Variants in UBE2W observed in about 807,000 individuals in gnomAD.
The protein encoded by UBE2W is ubiquitin conjugating enzyme E2 W.
In UBE2W, 18 loss-of-function variants were observed where a neutral mutation model predicts 27.2. The observed-to-expected ratio is 0.66, with a 90% CI of 0.46 to 0.98. The LOEUF is 0.98. Among genes scored for constraint, UBE2W ranks in the 50% least tolerant of loss-of-function variants. UBE2W has a pLI of 0.00. For missense variants in UBE2W, 90 were observed against 180.2 expected, an observed-to-expected ratio of 0.50 and a Z score of 2.87; for synonymous variants, 53 against 57.2, an observed-to-expected ratio of 0.93 and a Z score of 0.33.
chr8:73,855,261 C>T (rs1008919374), intron 1 of UBE2W, among the ~76,000 whole-genome samples: 1 of 152,204 alleles, frequency 6.6e-6, no homozygotes, highest in Non-Finnish European at 1.5e-5. Flanking sequence ...GCGAGACAAA[C>T]TGCTCATGCA....
intron 1 of UBE2W, among the ~76,000 whole-genome samples, chr8:73,836,525 C>T (rs1416275151): frequency 6.6e-6 from 1 of 152,054 alleles, no homozygotes; most frequent in Non-Finnish European, 1.5e-5. Flanking sequence ...ATCCTGAAGT[C>T]GTGATTCTAA....
At chr8:73,795,783 T>C (rs1808385135) in intron 5 of UBE2W, 11 of 984,744 alleles carry the variant, frequency 1.1e-5, no homozygotes, top group Non-Finnish European at 1.3e-5. Flanking sequence ...CCTCTAAAGT[T>C]CACTCACAAT....
chr8:73,852,590 AT>A (rs900255763), intron 1 of UBE2W, among the ~76,000 whole-genome samples: 1 of 152,126 alleles, frequency 6.6e-6, no homozygotes, highest in East Asian at 1.9e-4. Context: ...GGAAGAATAA[AT>A]TTTTTTTCTT....
chr8:73,876,250 A>T (rs1812217003), intron 1 of UBE2W, among the ~76,000 whole-genome samples: 1 of 151,930 alleles, frequency 6.6e-6, no homozygotes, highest in Admixed American at 6.6e-5. Flanking sequence ...GAATAAACAA[A>T]GTTGATAATT....
At chr8:73,854,693 A>T (rs1364515933) in intron 1 of UBE2W, among the ~76,000 whole-genome samples, 1 of 152,204 alleles carries the variant, frequency 6.6e-6, no homozygotes, top group Non-Finnish European at 1.5e-5. Context: ...AAAAGTATGA[A>T]TTACAAATAC....
intron 1 of UBE2W, among the ~76,000 whole-genome samples, chr8:73,855,205 C>T (rs921136243): frequency 6.6e-6 from 1 of 152,076 alleles, no homozygotes; most frequent in Non-Finnish European, 1.5e-5. Flanking sequence ...GAAAAATACA[C>T]CAGAATAGTG....
rs377217635 is a variant in UBE2W at position 73,872,052 on chromosome 8, C to T, written c.15+6756G>A. ...GGGACCACAGGAATGTGCTACCACA[C>T]CCAGCTAATTTTTGTCCCACGCTGG... On this transcript the variant is annotated intron_variant, in intron 1 of 5. Coordinates refer to ENST00000602593, the MANE Select transcript of UBE2W (RefSeq NM_018299.6). Among the ~76,000 whole-genome samples, 26 of 152,216 alleles carry T rather than the reference C, an allele frequency of 1.7e-4. No individual in the cohort carries two copies. The South Asian group carries it at 5.4e-3, about 32-fold the overall frequency.
In UBE2W at chr8:73,794,097, T is replaced by C. The variant is rs1808313887; in HGVS notation, c.*5A>G. On this transcript the variant is annotated 3_prime_UTR_variant, in exon 6 of 6. Coordinates refer to ENST00000602593, the MANE Select transcript of UBE2W (RefSeq NM_018299.6). ...TCTTCTGCTAGGAGGATGATAACAGTGGCATCAACAAGTATCATCTTTAAG... is the reference window on the plus strand; with the variant it reads ...TCTTCTGCTAGGAGGATGATAACAGCGGCATCAACAAGTATCATCTTTAAG... The C allele has an allele frequency of 1.2e-6, 2 of 1,613,482 alleles. No individual in the cohort carries two copies. The highest frequency in any genetic ancestry group is 1.1e-5 in the South Asian group (1 of 90,962).
At chr8:73,854,975 G>A (rs1009278112) in intron 1 of UBE2W, among the ~76,000 whole-genome samples, 7 of 152,120 alleles carry the variant, frequency 4.6e-5, no homozygotes, top group Middle Eastern at 3.2e-3. Flanking sequence ...TTATCAATAC[G>A]GTAAATTTAT....
chr8:73,877,955 C>T (rs570315196), intron 1 of UBE2W, among the ~76,000 whole-genome samples: 11 of 152,186 alleles, frequency 7.2e-5, no homozygotes, highest in Non-Finnish European at 1.3e-4. Flanking sequence ...CACAGGTTAA[C>T]AAACGCCTCC....
At chr8:73,781,629 T>G (rs931280240), downstream of UBE2W, among the ~76,000 whole-genome samples, 5 of 151,150 alleles carry the variant, frequency 3.3e-5, no homozygotes, top group Non-Finnish European at 5.9e-5. Context: ...GTTTTTTTTT[T>G]TTTTTTTTAT....
At chr8:73,861,131 A>G (rs1273556030) in intron 1 of UBE2W, among the ~76,000 whole-genome samples, 1 of 152,196 alleles carries the variant, frequency 6.6e-6, no homozygotes, top group African/African-American at 2.4e-5. Flanking sequence ...AAAAAATAAT[A>G]AAAATAAAAT....
intron 1 of UBE2W, among the ~76,000 whole-genome samples, chr8:73,832,196 G>C (rs1810098060): frequency 1.3e-5 from 2 of 151,790 alleles, no homozygotes; most frequent in African/African-American, 4.9e-5. Context: ...AGGTACTTCA[G>C]AGGATAAGGT....
rs1279485651 is a variant in UBE2W, at chr8:73,786,829, G to A, written c.*7273C>T. ...AAAAATGCAAGGAGAGGACTACTGA[G>A]TATCATTGCTTGATTAAGTTGGATG... On this transcript the variant is annotated 3_prime_UTR_variant, in exon 6 of 6. Coordinates refer to ENST00000602593, the MANE Select transcript of UBE2W (RefSeq NM_018299.6). 3 of 985,252 alleles carry A rather than the reference G, an allele frequency of 3.0e-6. No individual in the cohort carries two copies. Among genetic ancestry groups the A allele is most frequent in the Non-Finnish European group, 3.6e-6 (3 of 829,886 alleles). The allele number at this position is 985,252 out of a possible 1,614,324, so 61.0% of individuals were successfully genotyped here. A position where few individuals can be genotyped will look rare whatever the true frequency, so the allele number is the denominator to read the frequency against.
At chr8:73,842,528 CAAAAAAAAAAAAAAAAAA>C (rs759063478) in intron 1 of UBE2W, among the ~76,000 whole-genome samples, 1 of 9,678 alleles carries the variant, frequency 1.0e-4, no homozygotes, top group African/African-American at 2.8e-4. Context: ...GACTCCGTCT[CAAAAAAAAAAAAAAAAAA>C]AAAAAAAAAA....
intron 4 of UBE2W, 108 bp from the exon 5 acceptor site, chr8:73,805,834 A>G (rs976749909): frequency 5.3e-6 from 3 of 567,536 alleles, no homozygotes; most frequent in Non-Finnish European, 9.3e-6. Flanking sequence ...AAACAATATA[A>G]ACATGAATAG....
rs1299743587 is a variant in UBE2W, at chr8:73,791,610, G to C, written c.*2492C>G. 1.0e-6 allele frequency: 1 copy of C among 984,808 alleles called. No homozygotes were observed. The highest frequency in any genetic ancestry group is 1.7e-5 in the African/African-American group (1 of 57,198). The allele number at this position is 984,808 out of a possible 1,614,324, so 61.0% of individuals were successfully genotyped here. On this transcript the variant is annotated 3_prime_UTR_variant, in exon 6 of 6. Coordinates refer to ENST00000602593, the MANE Select transcript of UBE2W (RefSeq NM_018299.6). ...CATTAATTGCTCTCTGTAGAGCAATGACTCAGATAAATGCCTTATGACTTT... is the reference window on the plus strand; with the variant it reads ...CATTAATTGCTCTCTGTAGAGCAATCACTCAGATAAATGCCTTATGACTTT...
chr8:73,810,863 G>A (rs1019245278), intron 3 of UBE2W, among the ~76,000 whole-genome samples: 2 of 151,910 alleles, frequency 1.3e-5, no homozygotes, highest in African/African-American at 4.8e-5. Flanking sequence ...TTTTTATTTC[G>A]GTTATTTTTG....
chr8:73,839,286 C>T (rs536283228), intron 1 of UBE2W, among the ~76,000 whole-genome samples: 1 of 144,228 alleles, frequency 6.9e-6, no homozygotes, highest in South Asian at 2.2e-4. Flanking sequence ...ACTACTACAT[C>T]AAATGAAATG....
Sources: gnomAD v4.1 joint callset for allele counts (sites outside exome capture counted in the v4.1 genomes callset) on GRCh38, gnomAD v4.1.1 for gene constraint, MANE v1.5 for transcripts, NCBI Gene and HGNC (gene_info 2026-07-23, HGNC 2026-07-21) for gene names.